CCDC32: variants seen among roughly 807,000 people sequenced by gnomAD.
CCDC32 encodes the protein coiled-coil domain containing 32.
Under a neutral mutation model 20.1 loss-of-function variants are expected in CCDC32, and 9 were observed. The observed-to-expected ratio is 0.45, with a 90% CI of 0.27 to 0.78. The LOEUF (loss-of-function observed/expected upper bound fraction) is 0.78. Ranked by LOEUF, CCDC32 falls within the 30% of genes least tolerant of loss-of-function variation. The probability of loss-of-function intolerance (pLI) is 0.16; values close to 1 mark genes in which losing one functional copy is unlikely to be tolerated. For missense variants in CCDC32, 204 were observed against 215.5 expected (o/e 0.95, Z 0.33); for synonymous variants, 63 against 79.0 (o/e 0.80, Z 1.07).
Position 40,560,297 on chromosome 15 carries a change from C to T in CCDC32, c.244+2475G>A, listed in dbSNP as rs552666001. Among the ~76,000 whole-genome samples, 6 of 152,206 alleles carry T rather than the reference C, an allele frequency of 3.9e-5. No homozygotes were observed. The South Asian group carries it at 1.0e-3, about 26-fold the overall frequency. Reference sequence around the variant, plus strand: ...TGCTGGGATTACAGGCGTGAGCCACCGTGCCCGGCCTAGGCAAAAAATTTA... The same window carrying T: ...TGCTGGGATTACAGGCGTGAGCCACTGTGCCCGGCCTAGGCAAAAAATTTA... On this transcript the variant is annotated intron_variant, in intron 2 of 3. Coordinates refer to ENST00000416810, the MANE Select transcript of CCDC32 (RefSeq NM_001080792.4).
rs374451887 is a variant in CCDC32 at position 40,554,243 on chromosome 15, A to T, written c.402-116T>A. Reference sequence around the variant, plus strand: ...CGCCCACCAGCAATTTCTTCCTACAATTGTTTTTCACTGCTAAACTGGGAA... The same window carrying T: ...CGCCCACCAGCAATTTCTTCCTACATTTGTTTTTCACTGCTAAACTGGGAA... On this transcript the variant is annotated intron_variant, in intron 3 of 3. Coordinates refer to ENST00000416810, the MANE Select transcript of CCDC32 (RefSeq NM_001080792.4). 6 of 1,398,810 alleles carry T rather than the reference A, an allele frequency of 4.3e-6. No homozygotes were observed. The Admixed American group carries it at 9.5e-5, about 22-fold the overall frequency. 86.6% of individuals were successfully genotyped at this position (1,398,810 alleles called of 1,614,324 possible).
chr15:40,531,314 A>T (rs1888867244), downstream of CCDC32: 1 of 150,188 alleles, frequency 6.7e-6, no homozygotes, highest in Admixed American at 6.7e-5. Context: ...CCTTAAATTT[A>T]TATTTCTTTT....
intron 1 of CCDC32, among the ~76,000 whole-genome samples, chr15:40,563,257 G>A (rs558356509): frequency 5.3e-5 from 8 of 152,302 alleles, no homozygotes; most frequent in African/African-American, 9.6e-5. Flanking sequence ...CAGCTACTCC[G>A]GAGGCTGAGG....
chr15:40,564,835 A>G (rs1890914395), intron 1 of CCDC32, 141 bp downstream of exon 1: 4 of 1,612,414 alleles, frequency 2.5e-6, no homozygotes, highest in South Asian at 2.2e-5. Flanking sequence ...TCCGGCGTCC[A>G]GATCCCAGGC....
At chr15:40,520,993 TAAGA>T in the CCDC32 span, among the ~76,000 whole-genome samples, 3 of 152,200 alleles carry the variant, frequency 2.0e-5, no homozygotes, top group African/African-American at 7.2e-5. Flanking sequence ...AGGAAACTCA[TAAGA>T]AAGAAAAAAC....
downstream of CCDC32, chr15:40,532,203 G>T: frequency 2.9e-6 from 2 of 680,530 alleles, no homozygotes; most frequent in South Asian, 1.6e-5. Context: ...TCAAGGGATA[G>T]GTTTTGTGCG....
downstream of CCDC32, among the ~76,000 whole-genome samples, chr15:40,550,915 A>G (rs1889826719): frequency 6.6e-6 from 1 of 152,228 alleles, no homozygotes; most frequent in South Asian, 2.1e-4. Flanking sequence ...TGAATGACAG[A>G]AACACTATTT....
downstream of CCDC32, chr15:40,534,901 C>T (rs190688526): frequency 1.1e-4 from 75 of 702,500 alleles, no homozygotes; most frequent in Admixed American, 5.2e-4. Flanking sequence ...GTGATGGGCT[C>T]AGAATGGTCT....
At chr15:40,561,765 G>T (rs1890652376) in intron 2 of CCDC32, among the ~76,000 whole-genome samples, 2 of 151,976 alleles carry the variant, frequency 1.3e-5, no homozygotes, top group Non-Finnish European at 2.9e-5. Flanking sequence ...GGAGGCCAAG[G>T]TAAGCCTTAT....
At position 40,557,239 on chromosome 15, in the gene CCDC32, CA is replaced by C. The variant is rs1210998906; in HGVS notation, c.377del (p.Val126GlyfsTer23). 6.2e-7 allele frequency: 1 copy of C among 1,613,192 alleles called. No homozygotes were observed. The highest frequency in any genetic ancestry group is 8.5e-7 in the Non-Finnish European group (1 of 1,179,802). ...ACCTCTCATCAGAATCAAGTCCATC[CA>C]CAAAGAACTCTGAAGCTAACTTCTC... is the stretch of plus-strand genomic sequence containing the variant. ...LQEKLASEFF[V>X]DGLDSDESTL... On this transcript the variant is annotated frameshift_variant, in exon 3 of 4. Transcript: ENST00000416810. LOFTEE classifies it high-confidence loss of function.
intron 3 of CCDC32, among the ~76,000 whole-genome samples, chr15:40,540,592 C>T (rs1053013629): frequency 1.3e-5 from 2 of 152,194 alleles, no homozygotes; most frequent in Middle Eastern, 6.8e-3. Context: ...TGGTCTCCAA[C>T]TCCTGGCCTC....
chr15:40,562,988 T>G lies in CCDC32; in HGVS notation c.28A>C (p.Thr10Pro), dbSNP rs1431169552. Residue 10 changes from threonine to proline, a missense_variant, in exon 2 of 4, where the codon ACA becomes CCA. Thr to Pro is a conservative substitution (Grantham distance 38). Transcript: ENST00000416810. Reference sequence around the variant, plus strand: ...AGATCCTGGCCAGATCTTGTGGCTGTAGAGTCAGCGCTCTCAAACATTTTC... The same window carrying G: ...AGATCCTGGCCAGATCTTGTGGCTGGAGAGTCAGCGCTCTCAAACATTTTC... Reference protein sequence around the residue: MKMFESADSTATRSGQDLWA... With the variant: MKMFESADSPATRSGQDLWA... The G allele has an allele frequency of 6.2e-7, 1 of 1,614,064 alleles. No individual in the cohort carries two copies. Among genetic ancestry groups the G allele is most frequent in the African/African-American group, 1.3e-5 (1 of 74,940 alleles).
downstream of CCDC32, chr15:40,534,667 C>G (rs1889032430): frequency 4.0e-6 from 2 of 496,728 alleles, no homozygotes; most frequent in South Asian, 4.9e-5. Flanking sequence ...ATATCACCAA[C>G]TGTCTACTTC....
downstream of CCDC32, among the ~76,000 whole-genome samples, chr15:40,525,590 C>T (rs1309357532): frequency 6.6e-6 from 1 of 152,262 alleles, no homozygotes; most frequent in Admixed American, 6.5e-5. Context: ...GCCTACCAGT[C>T]CTTCTCAGGC....
At chr15:40,552,107 C>T (rs1426848414), downstream of CCDC32, among the ~76,000 whole-genome samples, 1 of 151,406 alleles carries the variant, frequency 6.6e-6, no homozygotes, top group Non-Finnish European at 1.5e-5. Context: ...TGTAGTGAGC[C>T]ATGATTGTCA....
At chr15:40,558,089 G>GT (rs1339247734) in intron 2 of CCDC32, 1 of 152,148 alleles carries the variant, frequency 6.6e-6, no homozygotes, top group Non-Finnish European at 1.5e-5. Context: ...AACTCTAATT[G>GT]TTTAACAGAT....
chr15:40,529,528 A>G (rs901602601), intron 3 of CCDC32: 3 of 152,216 alleles, frequency 2.0e-5, no homozygotes, highest in African/African-American at 7.2e-5. Flanking sequence ...TTGTACATTC[A>G]ACTTTTCTGT....
At chr15:40,525,238 C>T (rs1894886797), downstream of CCDC32, among the ~76,000 whole-genome samples, 1 of 152,130 alleles carries the variant, frequency 6.6e-6, no homozygotes, top group Middle Eastern at 3.4e-3. Flanking sequence ...CCATCTTGGC[C>T]GGGCTGGTCT....
At chr15:40,525,560 A>G (rs1894890996), downstream of CCDC32, among the ~76,000 whole-genome samples, 1 of 152,186 alleles carries the variant, frequency 6.6e-6, no homozygotes, top group South Asian at 2.1e-4. Context: ...TTTTAGACTT[A>G]TTTCCAAGAC....
Sources: allele counts gnomAD v4.1 joint callset (sites outside exome capture counted in the v4.1 genomes callset), GRCh38; gene constraint gnomAD v4.1.1; transcripts MANE v1.5; gene names NCBI Gene and HGNC (gene_info 2026-07-23, HGNC 2026-07-21).